The following CAB39 variants were observed in gnomAD, a reference collection of about 807,000 sequenced individuals.
The protein encoded by CAB39 is calcium binding protein 39.
In CAB39, 8 loss-of-function variants were observed where a neutral mutation model predicts 40.0. That is an observed-to-expected ratio of 0.20 (90% CI 0.12 to 0.36). The LOEUF is 0.36. Ranked by LOEUF, CAB39 falls within the 10% of genes least tolerant of loss-of-function variation. CAB39 has a pLI of 1.00. For missense variants in CAB39, 270 were observed against 401.1 expected (o/e 0.67, Z 2.79); for synonymous variants, 156 against 141.6 (o/e 1.10, Z -0.72).
intron 3 of CAB39, among the ~76,000 whole-genome samples, chr2:230,791,655 A>G (rs971064649): frequency 6.6e-6 from 1 of 152,182 alleles, no homozygotes; most frequent in Non-Finnish European, 1.5e-5. Flanking sequence ...GCAGAGTAGC[A>G]TCACAGGGCG....
chr2:230,723,930 A>T (rs1694502641), intron 1 of CAB39, among the ~76,000 whole-genome samples: 1 of 152,298 alleles, frequency 6.6e-6, no homozygotes, highest in Admixed American at 6.5e-5. Flanking sequence ...TCACCGCCAC[A>T]TACCAATTCA....
At chr2:230,772,694 C>A (rs1411701189) in intron 2 of CAB39, among the ~76,000 whole-genome samples, 1 of 151,900 alleles carries the variant, frequency 6.6e-6, no homozygotes, top group Non-Finnish European at 1.5e-5. Context: ...ACCGTGTTAG[C>A]CAGGATGGTG....
At position 230,817,764 on chromosome 2, in the gene CAB39, AACT is replaced by A; in HGVS notation, c.712_714del (p.Leu238del). Reference sequence around the variant, plus strand: ...TAAATGTCTTCTCAGCTTCTCGGTGAACTACTACTAGATAGACACAACTTCACA... The same window carrying A: ...TAAATGTCTTCTCAGCTTCTCGGTGAACTACTAGATAGACACAACTTCACA... On this transcript the variant is annotated inframe_deletion, in exon 8 of 9. Transcript: ENST00000258418. The A allele has an allele frequency of 6.3e-7, 1 of 1,584,734 alleles. No homozygotes were observed. The highest frequency in any genetic ancestry group is 8.6e-7 in the Non-Finnish European group (1 of 1,169,268).
chr2:230,771,311 GAA>G (rs1695479205), intron 2 of CAB39, among the ~76,000 whole-genome samples: 1 of 151,522 alleles, frequency 6.6e-6, no homozygotes, highest in Non-Finnish European at 1.5e-5. Flanking sequence ...TGGGAAAAAA[GAA>G]TGGAAAAAAA....
At chr2:230,808,897 C>T (rs1468939453) in intron 5 of CAB39, among the ~76,000 whole-genome samples, 2 of 152,202 alleles carry the variant, frequency 1.3e-5, no homozygotes, top group Non-Finnish European at 2.9e-5. Context: ...TAAGCACTTA[C>T]TATGCACTGG....
chr2:230,794,084 TTCTA>T (rs1695937469), intron 4 of CAB39, among the ~76,000 whole-genome samples: 1 of 152,134 alleles, frequency 6.6e-6, no homozygotes, highest in African/African-American at 2.4e-5. Context: ...TGGTGGTCTG[TTCTA>T]TTAAGTTGGT....
intron 2 of CAB39, among the ~76,000 whole-genome samples, chr2:230,788,304 ATAGTC>A (rs1299774275): frequency 6.7e-6 from 1 of 149,624 alleles, no homozygotes; most frequent in Non-Finnish European, 1.5e-5. Flanking sequence ...TTAACTTACT[ATAGTC>A]TATCTTCAGG....
rs1029401853 is a variant in CAB39 at position 230,790,809 on chromosome 2, G to C, written c.115-63G>C. ...GAGGTGATTTGACAAATTTTGACGTGTTATATGTTTGTTAAAATGAATTGT... is the reference window on the plus strand; with the variant it reads ...GAGGTGATTTGACAAATTTTGACGTCTTATATGTTTGTTAAAATGAATTGT... On this transcript the variant is annotated intron_variant, in intron 2 of 8. Transcript: ENST00000258418. The C allele has an allele frequency of 6.4e-6, 9 of 1,400,466 alleles. No individual in the cohort carries two copies. The South Asian group carries it at 1.2e-4, about 18-fold the overall frequency. The allele number at this position is 1,400,466 out of a possible 1,614,324, so 86.8% of individuals were successfully genotyped here.
chr2:230,786,163 CAAA>C (rs369510604), intron 2 of CAB39, among the ~76,000 whole-genome samples: 4 of 72,744 alleles, frequency 5.5e-5, no homozygotes, highest in South Asian at 6.4e-4. Context: ...GACTCTGTCT[CAAA>C]AAAAAAAAAA....
chr2:230,748,867 T>TAA (rs1559597109), intron 1 of CAB39, among the ~76,000 whole-genome samples: 11 of 109,760 alleles, frequency 1.0e-4, no homozygotes, highest in Admixed American at 1.9e-4. Context: ...TATATATATA[T>TAA]AACAAAATGG....
At chr2:230,724,500 G>A (rs1694519762) in intron 1 of CAB39, among the ~76,000 whole-genome samples, 1 of 151,970 alleles carries the variant, frequency 6.6e-6, no homozygotes, top group Admixed American at 6.6e-5. Context: ...TGACCAACAT[G>A]GAGAAATCCC....
chr2:230,738,293 T>A (rs1196406130), intron 1 of CAB39, among the ~76,000 whole-genome samples: 2 of 152,258 alleles, frequency 1.3e-5, no homozygotes, highest in Admixed American at 6.5e-5. Flanking sequence ...TGCCATTTAG[T>A]TCTCATCTTT....
intron 2 of CAB39, among the ~76,000 whole-genome samples, chr2:230,775,248 T>C (rs550540052): frequency 6.1e-4 from 92 of 152,036 alleles, no homozygotes; most frequent in African/African-American, 2.1e-3. Context: ...TTTCTTTTTT[T>C]TTTTTTGAAA....
chr2:230,718,542 G>T (rs1458593937), intron 1 of CAB39, among the ~76,000 whole-genome samples: 2 of 152,288 alleles, frequency 1.3e-5, no homozygotes, highest in South Asian at 4.1e-4. Context: ...CTCTGCTGTG[G>T]GCTCTATAAC....
intron 2 of CAB39, among the ~76,000 whole-genome samples, chr2:230,782,286 AT>A (rs779350701): frequency 2.2e-3 from 328 of 151,276 alleles, no homozygotes; most frequent in Non-Finnish European, 2.5e-3. Context: ...ATTTGGATAT[AT>A]TTTTCAAGCT....
intron 6 of CAB39, among the ~76,000 whole-genome samples, chr2:230,811,264 T>G (rs1335559847): frequency 6.6e-6 from 1 of 152,178 alleles, no homozygotes. Flanking sequence ...CATTCTGAGA[T>G]TCTTAGAGGC....
At chr2:230,729,079 T>G (rs1451911403) in intron 1 of CAB39, among the ~76,000 whole-genome samples, 1 of 152,252 alleles carries the variant, frequency 6.6e-6, no homozygotes, top group Non-Finnish European at 1.5e-5. Context: ...AGAAAGAGAT[T>G]ATGCTTATTT....
intron 2 of CAB39, among the ~76,000 whole-genome samples, chr2:230,760,487 G>T (rs917613722): frequency 3.9e-5 from 6 of 152,134 alleles, no homozygotes; most frequent in Non-Finnish European, 7.4e-5. Flanking sequence ...CAAAGTGCTA[G>T]GATTACAGTT....
At chr2:230,798,008 G>T (rs1348907444) in intron 4 of CAB39, among the ~76,000 whole-genome samples, 1 of 152,180 alleles carries the variant, frequency 6.6e-6, no homozygotes, top group African/African-American at 2.4e-5. Flanking sequence ...CAGAGGGCTT[G>T]TGCACATCTG....
Sources: gnomAD v4.1 joint callset for allele counts (sites outside exome capture counted in the v4.1 genomes callset) on GRCh38, gnomAD v4.1.1 for gene constraint, MANE v1.5 for transcripts, NCBI Gene and HGNC (gene_info 2026-07-23, HGNC 2026-07-21) for gene names.